Variants in TMPRSS13 observed in about 807,000 individuals in gnomAD.
The protein encoded by TMPRSS13 is transmembrane protease serine 13.
TMPRSS13 carries 50 observed loss-of-function variants against 68.4 expected under a neutral mutation model. The ratio of observed to expected loss-of-function variants is 0.73; its 90% CI spans 0.58 to 0.93. The LOEUF is 0.93. Ranked by LOEUF, TMPRSS13 falls within the 40% of genes least tolerant of loss-of-function variation. The pLI is 0.00. For synonymous variants in TMPRSS13, 267 were observed against 285.8 expected, an observed-to-expected ratio of 0.93 and a Z score of 0.66; for missense variants, 615 against 729.2, an observed-to-expected ratio of 0.84 and a Z score of 1.80.
intron 9 of TMPRSS13, 77 bp from the exon 10 acceptor site, chr11:117,905,813 C>T (rs2057459514): frequency 8.9e-7 from 1 of 1,120,052 alleles, no homozygotes; most frequent in Non-Finnish European, 1.3e-6. Flanking sequence ...GGAGCACAAC[C>T]ACTCTGGGGG....
intron 1 of TMPRSS13, among the ~76,000 whole-genome samples, chr11:117,920,017 G>C (rs1484928101): frequency 2.0e-5 from 3 of 152,202 alleles, no homozygotes; most frequent in Non-Finnish European, 4.4e-5. Context: ...TCTTGGTCTT[G>C]TGATACTTTC....
intron 1 of TMPRSS13, 41 bp downstream of exon 1, chr11:117,929,246 G>A (rs758611567): frequency 6.3e-7 from 1 of 1,581,544 alleles, no homozygotes; most frequent in South Asian, 1.2e-5. Context: ...TGCTTCCTCA[G>A]CGCTGGGAGA....
chr11:117,923,167 C>A (rs143583724), intron 1 of TMPRSS13, among the ~76,000 whole-genome samples: 139 of 152,348 alleles, frequency 9.1e-4, no homozygotes, highest in African/African-American at 3.2e-3. Flanking sequence ...CATTTGTGTG[C>A]TTTGCCCAAA....
chr11:117,915,182 A>G lies in TMPRSS13; in HGVS notation c.557-668T>C, dbSNP rs1447256636. On this transcript the variant is annotated intron_variant, in intron 3 of 12. Coordinates refer to ENST00000524993, the MANE Select transcript of TMPRSS13 (RefSeq NM_001077263.3). This position sits in a 1 kb window ranked among gnomAD's most constrained non-coding sequence, Gnocchi z 4.9. ...GGGGCTAAAAGAAAACAGCTTTACA[A>G]GCCATATGTGCAAATCTGCTTCACG... 2.0e-5 allele frequency among the ~76,000 whole-genome samples: 3 copies of G among 152,164 alleles called. No homozygotes were observed. Among genetic ancestry groups the G allele is most frequent in the African/African-American group, 7.2e-5 (3 of 41,422 alleles).
chr11:117,912,588 C>T (rs771651598), intron 5 of TMPRSS13, among the ~76,000 whole-genome samples: 9 of 152,338 alleles, frequency 5.9e-5, no homozygotes, highest in Admixed American at 3.9e-4. Context: ...TACACCCCTG[C>T]GTGACGCCCT....
chr11:117,927,834 TTGGACAATCTTTTTTTCAGAA>T (rs1160475996), intron 1 of TMPRSS13, among the ~76,000 whole-genome samples: 4 of 152,178 alleles, frequency 2.6e-5, no homozygotes, highest in Non-Finnish European at 4.4e-5. Context: ...CAAGGTAAGT[TTGGACAATCTTTTTTTCAGAA>T]TGAATATGGC....
At chr11:117,921,018 A>G (rs2057640571) in intron 1 of TMPRSS13, among the ~76,000 whole-genome samples, 1 of 152,214 alleles carries the variant, frequency 6.6e-6, no homozygotes, top group African/African-American at 2.4e-5. Context: ...AACCATGACA[A>G]AGATAACAGC....
At position 117,918,541 on chromosome 11, in the gene TMPRSS13, C is replaced by A. The variant is rs759218437; in HGVS notation, c.319G>T (p.Ala107Ser). Reference sequence around the variant, plus strand: ...GAGGTTGTCACCGAGGCTGACCTGGCGGATGATGACCTGCCGGATGAGGAC... The same window carrying A: ...GAGGTTGTCACCGAGGCTGACCTGGAGGATGATGACCTGCCGGATGAGGAC... ...SRSSSGRSSS[A>S]RSASVTTSPT... The change falls in exon 2 of 13, where the codon GCC (alanine) becomes TCC (serine). Residue 107 changes from alanine to serine, a missense_variant. Coordinates refer to ENST00000524993, the MANE Select transcript of TMPRSS13 (RefSeq NM_001077263.3). The A allele has an allele frequency of 3.1e-6, 5 of 1,614,064 alleles. No individual in the cohort carries two copies. Among genetic ancestry groups the A allele is most frequent in the South Asian group, 2.2e-5 (2 of 91,078 alleles).
chr11:117,921,044 G>C (rs1042913271), intron 1 of TMPRSS13, among the ~76,000 whole-genome samples: 1 of 152,116 alleles, frequency 6.6e-6, no homozygotes, highest in African/African-American at 2.4e-5. Flanking sequence ...AGCACTTTAC[G>C]GGACCCCATT....
Position 117,917,206 on chromosome 11 carries a change from G to T in TMPRSS13, c.520C>A (p.Leu174Ile), listed in dbSNP as rs778730586. Residue 174 changes from leucine (L) to isoleucine (I), a missense_variant, in exon 3 of 13, where the codon CTC (leucine) becomes ATC (isoleucine). By Grantham distance (5) the Leu-to-Ile change is conservative (BLOSUM62 2). Coordinates refer to ENST00000524993, the MANE Select transcript of TMPRSS13 (RefSeq NM_001077263.3). ...KQLPLIGCVL[L>I]LIALVVSLII... Reference sequence around the variant, plus strand: ...AGCGAAACCACCAGGGCAATGAGGAGGAGCACGCACCCGATGAGCGGTAGC... The same window carrying T: ...AGCGAAACCACCAGGGCAATGAGGATGAGCACGCACCCGATGAGCGGTAGC... 53 of 1,612,902 alleles carry T rather than the reference G, an allele frequency of 3.3e-5. No individual in the cohort carries two copies. Among genetic ancestry groups the T allele is most frequent in the South Asian group, 5.5e-5 (5 of 91,084 alleles).
Position 117,918,673 on chromosome 11 carries a change from CAGCTGGAGATGCCTG to C in TMPRSS13, c.172_186del (p.Gln58_Ala62del), listed in dbSNP as rs1275087512. On this transcript the variant is annotated inframe_deletion, in exon 2 of 13. Transcript: ENST00000524993. ...GGAGATGCCCGGCCTGGAGGTGTAC[CAGCTGGAGATGCCTG>C]GGCTGGAGATGCCCGGCCCGGAGGT... 2.5e-6 allele frequency: 4 copies of C among 1,592,150 alleles called. No homozygotes were observed. The highest frequency in any genetic ancestry group is 2.6e-6 in the Non-Finnish European group (3 of 1,169,204).
In TMPRSS13 at chr11:117,902,072, GCACACA is replaced by G. The variant is rs3839950; in HGVS notation, c.*161_*166del. 0.016 allele frequency: 10,220 copies of G among 642,774 alleles called. 98 individuals carry two copies. Among genetic ancestry groups the G allele is most frequent in the African/African-American group, 0.065 (3,517 of 53,954 alleles). The allele number at this position is 642,774 out of a possible 1,614,324, so 39.8% of individuals were successfully genotyped here. On this transcript the variant is annotated 3_prime_UTR_variant, in exon 13 of 13. Coordinates refer to ENST00000524993, the MANE Select transcript of TMPRSS13 (RefSeq NM_001077263.3). ...TGGGAGAGTGGCAATGCACACATATGCACACACACACACACACACACACACACACAC... is the reference window on the plus strand; with the variant it reads ...TGGGAGAGTGGCAATGCACACATATGCACACACACACACACACACACACAC...
rs139574997 is a variant in TMPRSS13, at chr11:117,927,361, T to C, written c.21+1926A>G. ...TTTGAGAGTAGTATTATTATTCCAT[T>C]TTACAGATGAAGAAACTAAGGTACA... On this transcript the variant is annotated intron_variant, in intron 1 of 12. Coordinates refer to ENST00000524993, the MANE Select transcript of TMPRSS13 (RefSeq NM_001077263.3). Among the ~76,000 whole-genome samples, 115 of 152,316 alleles carry C rather than the reference T, an allele frequency of 7.6e-4. 1 individual carries two copies. The highest frequency in any genetic ancestry group is 2.7e-3 in the African/African-American group (113 of 41,564).
intron 9 of TMPRSS13, chr11:117,907,448 G>A (rs1050287255): frequency 3.3e-5 from 5 of 152,230 alleles, no homozygotes; most frequent in Non-Finnish European, 7.3e-5. Flanking sequence ...TAACTGCTCT[G>A]ACTCATGATA....
intron 9 of TMPRSS13, among the ~76,000 whole-genome samples, chr11:117,906,777 A>G (rs886317171): frequency 2.6e-5 from 4 of 152,206 alleles, no homozygotes; most frequent in African/African-American, 7.2e-5. Context: ...TAACACTGTT[A>G]CATGATCCAT....
At chr11:117,902,996 A>C in intron 12 of TMPRSS13, 4 of 1,023,126 alleles carry the variant, frequency 3.9e-6, no homozygotes, top group Non-Finnish European at 4.7e-6. Flanking sequence ...CTGAGCAATG[A>C]CTTCTGAGGT....
chr11:117,910,775 G>T, intron 6 of TMPRSS13, 25 bp from the exon 7 acceptor site: 1 of 1,599,854 alleles, frequency 6.3e-7, no homozygotes, highest in Non-Finnish European at 8.5e-7. Context: ...ACAGAAAGTG[G>T]GAAAAGGGCA....
At chr11:117,919,128 G>T (rs188667001) in intron 1 of TMPRSS13, among the ~76,000 whole-genome samples, 89 of 152,272 alleles carry the variant, frequency 5.8e-4, no homozygotes, top group Non-Finnish European at 1.2e-3. Context: ...ACCTGCTTAG[G>T]CTACGCATGT....
At chr11:117,918,910 A>C (rs1374729239) in intron 1 of TMPRSS13, 72 bp from the exon 2 acceptor site, 28 of 1,583,494 alleles carry the variant, frequency 1.8e-5, no homozygotes, top group Non-Finnish European at 2.2e-5. Context: ...GCTGTGCTGC[A>C]CTAGGAGATG....
Sources: gnomAD v4.1 joint callset for allele counts (sites outside exome capture counted in the v4.1 genomes callset) on GRCh38, gnomAD v4.1.1 for gene constraint, Gnocchi (gnomAD v3.1) non-coding constraint, MANE v1.5 for transcripts, NCBI Gene and HGNC (gene_info 2026-07-23, HGNC 2026-07-21) for gene names.